The following BLTP3B variants were observed in gnomAD, a reference collection of about 807,000 sequenced individuals.
BLTP3B encodes the protein UHRF1 (ICBP90) binding protein 1-like.
At chr12:100,085,332 G>A in the BLTP3B span, among the ~76,000 whole-genome samples, 8 of 150,294 alleles carry the variant, frequency 5.3e-5, no homozygotes, top group Non-Finnish European at 1.2e-4. Flanking sequence ...CACTGCACTC[G>A]TGAGGCCTTG....
the BLTP3B span, among the ~76,000 whole-genome samples, chr12:100,079,658 A>G: frequency 2.6e-5 from 4 of 152,250 alleles, no homozygotes; most frequent in Admixed American, 6.5e-5. Context: ...AATTCAAGCC[A>G]GCTACAGAAA....
the BLTP3B span, among the ~76,000 whole-genome samples, chr12:100,076,486 T>C: frequency 6.7e-6 from 1 of 149,654 alleles, no homozygotes; most frequent in Non-Finnish European, 1.5e-5. Context: ...CTCTGCCTCC[T>C]GGACTGAAGC....
the BLTP3B span, among the ~76,000 whole-genome samples, chr12:100,041,456 G>A: frequency 9.3e-5 from 1 of 10,746 alleles, no homozygotes. Context: ...TTTTTTTTTT[G>A]AGACGGAGTC....
At chr12:100,044,958 GACAA>G in the BLTP3B span, among the ~76,000 whole-genome samples, 13,195 of 152,052 alleles carry the variant, frequency 0.087, 697 homozygotes, top group African/African-American at 0.15. Context: ...ACCATTAACA[GACAA>G]ACAGAGAGCC....
chr12:100,115,230 C>T, the BLTP3B span, among the ~76,000 whole-genome samples: 901 of 152,056 alleles, frequency 5.9e-3, 9 homozygotes, highest in African/African-American at 0.021. Context: ...ACACGCGAAA[C>T]CCCGTCTCCA....
chr12:100,141,829 G>A, the BLTP3B span, among the ~76,000 whole-genome samples: 4 of 151,892 alleles, frequency 2.6e-5, no homozygotes, highest in Non-Finnish European at 5.9e-5. Context: ...GACTAAAACC[G>A]CGTTATGAAA....
the BLTP3B span, chr12:100,072,537 G>T: frequency 0.2 from 159,681 of 782,770 alleles, 22,045 homozygotes; most frequent in African/African-American, 0.61. Context: ...TGAGATGCTA[G>T]CTCTCAAAAA....
chr12:100,102,916 G>C, the BLTP3B span: 1 of 1,025,550 alleles, frequency 9.8e-7, no homozygotes, highest in South Asian at 2.0e-5. Context: ...TATTATTAAA[G>C]TATTATTTAA....
the BLTP3B span, among the ~76,000 whole-genome samples, chr12:100,068,795 C>T: frequency 5.3e-5 from 8 of 152,158 alleles, no homozygotes; most frequent in South Asian, 6.2e-4. Flanking sequence ...AACCACAATG[C>T]GATATCACCA....
At chr12:100,109,704 T>C in the BLTP3B span, among the ~76,000 whole-genome samples, 1 of 149,042 alleles carries the variant, frequency 6.7e-6, no homozygotes. Context: ...AGGTGGAGAA[T>C]GCAGTGAGCT....
chr12:100,063,459 C>T, the BLTP3B span, among the ~76,000 whole-genome samples: 10 of 152,272 alleles, frequency 6.6e-5, no homozygotes, highest in East Asian at 1.9e-3. Flanking sequence ...GTAATCCCAG[C>T]ACTTTGGGAG....
chr12:100,063,266 A>T, the BLTP3B span, among the ~76,000 whole-genome samples: 1 of 152,168 alleles, frequency 6.6e-6, no homozygotes, highest in Non-Finnish European at 1.5e-5. Context: ...CTCACAGCTG[A>T]GCCACAGATG....
chr12:100,075,648 C>T, the BLTP3B span, among the ~76,000 whole-genome samples: 1 of 152,052 alleles, frequency 6.6e-6, no homozygotes, highest in Non-Finnish European at 1.5e-5. Flanking sequence ...AAGCAAAAAC[C>T]AAACACCATT....
At chr12:100,098,407 T>C in the BLTP3B span, 2 of 1,613,650 alleles carry the variant, frequency 1.2e-6, no homozygotes, top group Non-Finnish European at 1.7e-6. Context: ...ATGTTCCCAG[T>C]GTGCATTTAC....
At chr12:100,037,128 TTAAA>T in the BLTP3B span, 62 of 892,868 alleles carry the variant, frequency 6.9e-5, no homozygotes, top group Non-Finnish European at 7.8e-5. Flanking sequence ...TTTACAATAA[TTAAA>T]TAATTATAGA....
At chr12:100,052,043 A>G in the BLTP3B span, among the ~76,000 whole-genome samples, 2 of 135,204 alleles carry the variant, frequency 1.5e-5, no homozygotes, top group Non-Finnish European at 3.1e-5. Context: ...GACCCCATCT[A>G]AAAAAAAAAA....
the BLTP3B span, among the ~76,000 whole-genome samples, chr12:100,115,234 G>A: frequency 6.6e-6 from 1 of 150,810 alleles, no homozygotes. Flanking sequence ...GCGAAACCCC[G>A]TCTCCACTAA....
the BLTP3B span, among the ~76,000 whole-genome samples, chr12:100,104,123 T>G: frequency 6.6e-6 from 1 of 152,024 alleles, no homozygotes; most frequent in African/African-American, 2.4e-5. Context: ...TGAAACCAGA[T>G]GTACCCATTT....
At chr12:100,056,153 G>C in the BLTP3B span, among the ~76,000 whole-genome samples, 10 of 152,148 alleles carry the variant, frequency 6.6e-5, no homozygotes, top group African/African-American at 2.2e-4. Flanking sequence ...CTAAGAGGTA[G>C]GGCTTTTAAA....
Sources: gnomAD v4.1 joint callset for allele counts (sites outside exome capture counted in the v4.1 genomes callset) on GRCh38, gnomAD v4.1.1 for gene constraint, MANE v1.5 for transcripts, NCBI Gene and HGNC (gene_info 2026-07-23, HGNC 2026-07-21) for gene names.